The following KCND2 variants were observed in gnomAD, a reference collection of about 807,000 sequenced individuals.
KCND2 encodes the protein potassium voltage-gated channel subfamily D member 2.
A neutral mutation model predicts 54.4 loss-of-function variants in KCND2; 16 were observed. That is an observed-to-expected ratio of 0.29 (90% CI 0.20 to 0.45). KCND2 has a LOEUF of 0.45. Among genes scored for constraint, KCND2 ranks in the 20% least tolerant of loss-of-function variants. The pLI, the probability that KCND2 is intolerant of heterozygous loss-of-function variation, is 1.00. For synonymous variants in KCND2, 317 were observed against 310.7 expected (o/e 1.02, Z -0.21); for missense variants, 486 against 824.2 (o/e 0.59, Z 5.02).
At chr7:120,410,729 A>G (rs1801437960) in intron 1 of KCND2, among the ~76,000 whole-genome samples, 1 of 118,542 alleles carries the variant, frequency 8.4e-6, no homozygotes, top group Non-Finnish European at 1.6e-5. Context: ...CTAGTGTGTG[A>G]TGTTCCCCAT....
chr7:120,702,994 C>A (rs5009999), intron 1 of KCND2, among the ~76,000 whole-genome samples: 3 of 151,874 alleles, frequency 2.0e-5, no homozygotes, highest in Admixed American at 6.6e-5. Flanking sequence ...GATTATTTAT[C>A]ATCTTTGCTC....
intron 1 of KCND2, among the ~76,000 whole-genome samples, chr7:120,603,962 G>C (rs532492132): frequency 6.6e-6 from 1 of 152,190 alleles, no homozygotes; most frequent in Admixed American, 6.5e-5. Context: ...CCTGGATTCA[G>C]GACTGAATCT....
At chr7:120,318,858 A>G (rs1393195789) in intron 1 of KCND2, among the ~76,000 whole-genome samples, 1 of 152,112 alleles carries the variant, frequency 6.6e-6, no homozygotes. Context: ...ATTTAGAAAC[A>G]AATAGAACAT....
intron 1 of KCND2, among the ~76,000 whole-genome samples, chr7:120,470,681 G>A (rs1223824275): frequency 6.6e-6 from 1 of 151,918 alleles, no homozygotes; most frequent in East Asian, 1.9e-4. Context: ...GAGAGTTGGT[G>A]ATTCTATAAG....
chr7:120,360,699 A>C (rs1477156461), intron 1 of KCND2, among the ~76,000 whole-genome samples: 10 of 152,052 alleles, frequency 6.6e-5, no homozygotes, highest in Non-Finnish European at 1.5e-5. Flanking sequence ...ACTTTTAAAC[A>C]TATTTTCACT....
rs1793035288 is a variant in KCND2 at position 120,748,631 on chromosome 7, T to G, written c.*773T>G. ...TGTTGTACAACTGTTGTATCAGGAA[T>G]CAGGATTTTTTTGTTGTTGTACTTT... On this transcript the variant is annotated 3_prime_UTR_variant, in exon 6 of 6. Transcript: ENST00000331113. The G allele has an allele frequency of 6.6e-6, 1 of 152,502 alleles. No homozygotes were observed. The highest frequency in any genetic ancestry group is 6.6e-5 in the Admixed American group (1 of 15,238). 9.4% of individuals were successfully genotyped at this position (152,502 alleles called of 1,614,324 possible). A position where few individuals can be genotyped will look rare whatever the true frequency, so the allele number is the denominator to read the frequency against.
chr7:120,485,183 C>T (rs1802676291), intron 1 of KCND2, among the ~76,000 whole-genome samples: 1 of 152,128 alleles, frequency 6.6e-6, no homozygotes, highest in Non-Finnish European at 1.5e-5. Context: ...TGACTGCACC[C>T]AGCCTCATTT....
At chr7:120,588,207 T>A (rs1320922155) in intron 1 of KCND2, among the ~76,000 whole-genome samples, 1 of 152,198 alleles carries the variant, frequency 6.6e-6, no homozygotes, top group African/African-American at 2.4e-5. Context: ...GAGGAATTAG[T>A]GGCATCCCTT....
At chr7:120,425,430 G>T (rs575838238) in intron 1 of KCND2, among the ~76,000 whole-genome samples, 1 of 152,326 alleles carries the variant, frequency 6.6e-6, no homozygotes, top group South Asian at 2.1e-4. Context: ...TATATTTGAG[G>T]AATTAATATG....
intron 1 of KCND2, among the ~76,000 whole-genome samples, chr7:120,465,390 C>G (rs1185120295): frequency 6.6e-6 from 1 of 151,084 alleles, no homozygotes; most frequent in Non-Finnish European, 1.5e-5. Flanking sequence ...ATTCAGCCCT[C>G]AGCAATGGTT....
intron 1 of KCND2, among the ~76,000 whole-genome samples, chr7:120,671,047 C>A (rs1791986974): frequency 6.6e-6 from 1 of 152,058 alleles, no homozygotes; most frequent in African/African-American, 2.4e-5. Context: ...TTTCCAACTA[C>A]ATAAATTTCC....
chr7:120,487,358 G>A (rs1284583096), intron 1 of KCND2, among the ~76,000 whole-genome samples: 1 of 151,470 alleles, frequency 6.6e-6, no homozygotes, highest in African/African-American at 2.4e-5. Flanking sequence ...TTTAAAAAAT[G>A]GAATAACAAG....
chr7:120,309,464 TATATATATATACACACACACAC>T lies in KCND2; in HGVS notation c.1115+33719_1115+33740del, dbSNP rs1472248717. Among the ~76,000 whole-genome samples, 70 of 119,190 alleles carry T rather than the reference TATATATATATACACACACACAC, an allele frequency of 5.9e-4. 2 individuals carry two copies. Among genetic ancestry groups the T allele is most frequent in the African/African-American group, 2.1e-3 (67 of 31,568 alleles). The allele number at this position is 119,190 out of a possible 152,430, so 78.2% of individuals were successfully genotyped here. ...ATATAATAGAAAACATATATATATA[TATATATATATACACACACACAC>T]ACACACACACACACACATATGTATG... On this transcript the variant is annotated intron_variant, in intron 1 of 5. Transcript: ENST00000331113.
intron 1 of KCND2, among the ~76,000 whole-genome samples, chr7:120,544,814 T>C (rs1792023908): frequency 6.6e-6 from 1 of 151,952 alleles, no homozygotes; most frequent in Admixed American, 6.6e-5. Flanking sequence ...AATTCATTAA[T>C]GTGGGAGTTC....
At chr7:120,615,601 C>T (rs1416003346) in intron 1 of KCND2, among the ~76,000 whole-genome samples, 1 of 152,190 alleles carries the variant, frequency 6.6e-6, no homozygotes, top group Admixed American at 6.5e-5. Flanking sequence ...AACCCCACCT[C>T]AGAGTGACAA....
Position 120,604,283 on chromosome 7 carries a change from C to A in KCND2, c.1116-128620C>A, listed in dbSNP as rs192906349. Among the ~76,000 whole-genome samples, 15 of 149,410 alleles carry A rather than the reference C, an allele frequency of 1.0e-4. No homozygotes were observed. In the East Asian group the frequency reaches 2.9e-3, roughly 29 times the overall value. ...TTGGGAGGCTGAGGCAGGTGGATTA[C>A]CTGAGGTCAGGAGTTCGAGACCAGC... On this transcript the variant is annotated intron_variant, in intron 1 of 5. Coordinates refer to ENST00000331113, the MANE Select transcript of KCND2 (RefSeq NM_012281.3).
chr7:120,445,191 C>A (rs570250405), intron 1 of KCND2, among the ~76,000 whole-genome samples: 2 of 152,038 alleles, frequency 1.3e-5, no homozygotes, highest in East Asian at 1.9e-4. Context: ...ATTCATAAAA[C>A]ATCTTAATAG....
At position 120,281,327 on chromosome 7, in the gene KCND2, T is replaced by G. The variant is rs143983148; in HGVS notation, c.1115+5580T>G. 3.9e-5 allele frequency among the ~76,000 whole-genome samples: 6 copies of G among 152,056 alleles called. No individual in the cohort carries two copies. The East Asian group carries it at 1.2e-3, about 29-fold the overall frequency. ...CTAAGCAGGGATACACACACACGTATGCATGTATGTATGTATTTATGTACA... is the reference window on the plus strand; with the variant it reads ...CTAAGCAGGGATACACACACACGTAGGCATGTATGTATGTATTTATGTACA... On this transcript the variant is annotated intron_variant, in intron 1 of 5. Transcript: ENST00000331113.
intron 1 of KCND2, among the ~76,000 whole-genome samples, chr7:120,297,329 G>A (rs998962896): frequency 2.0e-5 from 3 of 152,050 alleles, no homozygotes; most frequent in African/African-American, 7.2e-5. Flanking sequence ...CTGTGTCTGA[G>A]TTGTTTTATT....
Sources: gnomAD v4.1 joint callset for allele counts (sites outside exome capture counted in the v4.1 genomes callset) on GRCh38, gnomAD v4.1.1 for gene constraint, MANE v1.5 for transcripts, NCBI Gene and HGNC (gene_info 2026-07-23, HGNC 2026-07-21) for gene names.